The following MIPOL1 variants were observed in gnomAD, a reference collection of about 807,000 sequenced individuals.
MIPOL1 encodes mirror-image polydactyly 1.
MIPOL1 carries 57 observed loss-of-function variants against 60.9 expected under a neutral mutation model. That is an observed-to-expected ratio of 0.94 (90% confidence interval 0.76 to 1.17). The LOEUF (loss-of-function observed/expected upper bound fraction) is 1.17, where lower values mean the gene tolerates loss of function less well. Among genes scored for constraint, MIPOL1 ranks in the 50% most tolerant of loss-of-function variants. MIPOL1 has a pLI of 0.00. For missense variants in MIPOL1, 551 were observed against 511.6 expected (o/e 1.08, Z -0.74); for synonymous variants, 179 against 168.8 (o/e 1.06, Z -0.47).
At chr14:37,246,864 A>G (rs180822220) in intron 1 of MIPOL1, among the ~76,000 whole-genome samples, 4 of 152,214 alleles carry the variant, frequency 2.6e-5, no homozygotes, top group Admixed American at 2.6e-4. Flanking sequence ...GTGACTGTAT[A>G]TTGCAGAGGG....
intron 11 of MIPOL1, among the ~76,000 whole-genome samples, chr14:37,446,567 TTACTGGGTA>T (rs200041692): frequency 0.22 from 34,088 of 151,746 alleles, 4,228 homozygotes; most frequent in South Asian, 0.36. Flanking sequence ...AGCCATCCCA[TTACTGGGTA>T]TATACCCAAA....
At chr14:37,263,308 G>A (rs1444517696) in intron 3 of MIPOL1, among the ~76,000 whole-genome samples, 1 of 152,102 alleles carries the variant, frequency 6.6e-6, no homozygotes, top group Admixed American at 6.6e-5. Context: ...AGAGATACAG[G>A]ATCCTCAAAG....
intron 9 of MIPOL1, among the ~76,000 whole-genome samples, chr14:37,341,874 A>G (rs930523171): frequency 2.6e-5 from 4 of 152,204 alleles, no homozygotes; most frequent in Non-Finnish European, 5.9e-5. Flanking sequence ...TTGAATTTGA[A>G]TCCTGCTTAT....
intron 11 of MIPOL1, among the ~76,000 whole-genome samples, chr14:37,464,993 C>G (rs1014952564): frequency 6.6e-6 from 1 of 152,026 alleles, no homozygotes. Flanking sequence ...GATTGAAGCC[C>G]CAGACATGTA....
intron 7 of MIPOL1, among the ~76,000 whole-genome samples, chr14:37,292,835 G>T (rs947339449): frequency 3.9e-5 from 6 of 152,010 alleles, no homozygotes; most frequent in African/African-American, 1.4e-4. Context: ...CCATTTCTTG[G>T]CAAGGCATTG....
chr14:37,500,904 T>C (rs2095206296), intron 12 of MIPOL1, among the ~76,000 whole-genome samples: 1 of 152,220 alleles, frequency 6.6e-6, no homozygotes. Context: ...AGCATTCACA[T>C]ATCTAGTCAC....
At chr14:37,426,558 T>C (rs1295625537) in intron 11 of MIPOL1, among the ~76,000 whole-genome samples, 7 of 116,732 alleles carry the variant, frequency 6.0e-5, no homozygotes, top group Admixed American at 5.2e-4. Flanking sequence ...TGAAACTCTG[T>C]CTCAAAATAT....
At position 37,197,955 on chromosome 14, in the gene MIPOL1, C is replaced by T. The variant is rs1336958122; in HGVS notation, c.-348C>T. The T allele has an allele frequency of 6.6e-6, 1 of 152,210 alleles. No individual in the cohort carries two copies. 9.4% of individuals were successfully genotyped at this position (152,210 alleles called of 1,614,324 possible). ...GCCCCGTAGGCCCCACGCGCCGCCC[C>T]GCTCCTCCGCCGGATCGTCTGTGGG... is the stretch of plus-strand genomic sequence containing the variant. On this transcript the variant is annotated 5_prime_UTR_variant, in exon 1 of 13. Transcript: ENST00000684589.
chr14:37,514,645 G>T (rs1355164601), intron 12 of MIPOL1, among the ~76,000 whole-genome samples: 1 of 150,810 alleles, frequency 6.6e-6, no homozygotes, highest in South Asian at 2.1e-4. Flanking sequence ...TTTGGAGACG[G>T]AGTTTCGCTC....
At chr14:37,402,768 G>A (rs555451730) in intron 10 of MIPOL1, among the ~76,000 whole-genome samples, 1 of 152,274 alleles carries the variant, frequency 6.6e-6, no homozygotes, top group Admixed American at 6.5e-5. Context: ...TTTTCCAAAG[G>A]AAGGAAGACA....
At chr14:37,413,416 A>G (rs1486925554) in intron 10 of MIPOL1, among the ~76,000 whole-genome samples, 1 of 152,134 alleles carries the variant, frequency 6.6e-6, no homozygotes, top group Non-Finnish European at 1.5e-5. Context: ...TTTCATCTTC[A>G]AGGTGAGCAA....
At chr14:37,298,858 A>G (rs1267217021) in intron 7 of MIPOL1, among the ~76,000 whole-genome samples, 42 of 150,176 alleles carry the variant, frequency 2.8e-4, no homozygotes, top group Non-Finnish European at 1.2e-4. Flanking sequence ...TGGGACTGTA[A>G]ACTAGTTCAA....
At chr14:37,474,229 C>T (rs2094732238) in intron 11 of MIPOL1, among the ~76,000 whole-genome samples, 2 of 152,070 alleles carry the variant, frequency 1.3e-5, no homozygotes, top group Non-Finnish European at 2.9e-5. Context: ...TATAAACATA[C>T]TTGTGCAGGT....
chr14:37,425,280 T>G (rs1184922685), intron 11 of MIPOL1, among the ~76,000 whole-genome samples: 2 of 152,204 alleles, frequency 1.3e-5, no homozygotes, highest in African/African-American at 2.4e-5. Context: ...CAAGCAAACC[T>G]TGATGCCAGT....
At chr14:37,272,119 A>G (rs1331762570) in intron 6 of MIPOL1, among the ~76,000 whole-genome samples, 2 of 151,584 alleles carry the variant, frequency 1.3e-5, no homozygotes, top group Non-Finnish European at 3.0e-5. Context: ...ATAAATGTCA[A>G]TTATTTAAAA....
chr14:37,470,978 T>C (rs1408364944), intron 11 of MIPOL1, among the ~76,000 whole-genome samples: 1 of 152,128 alleles, frequency 6.6e-6, no homozygotes, highest in Non-Finnish European at 1.5e-5. Flanking sequence ...GGTTGAAAAT[T>C]TACCTATTGG....
chr14:37,312,837 G>A (rs537125223), intron 9 of MIPOL1, among the ~76,000 whole-genome samples: 3 of 151,846 alleles, frequency 2.0e-5, no homozygotes, highest in African/African-American at 4.8e-5. Flanking sequence ...TATTTTATTC[G>A]AATTGTAGAA....
Position 37,197,995 on chromosome 14 carries a change from G to A in MIPOL1, c.-308G>A, listed in dbSNP as rs568987669. Reference sequence around the variant, plus strand: ...TCGTCTGTGGGTGAGTCTCGAGCCAGGAGGCTCTGAGCCAGTGGCGATTGG... The same window carrying A: ...TCGTCTGTGGGTGAGTCTCGAGCCAAGAGGCTCTGAGCCAGTGGCGATTGG... On this transcript the variant is annotated 5_prime_UTR_variant, in exon 1 of 13. Coordinates refer to ENST00000684589, the MANE Select transcript of MIPOL1 (RefSeq NM_001388067.1). 9 of 152,280 alleles carry A rather than the reference G, an allele frequency of 5.9e-5. No homozygotes were observed. The highest frequency in any genetic ancestry group is 1.9e-4 in the African/African-American group (8 of 41,456). The allele number at this position is 152,280 out of a possible 1,614,324, so 9.4% of individuals were successfully genotyped here. A position where few individuals can be genotyped will look rare whatever the true frequency, so the allele number is the denominator to read the frequency against.
rs544157994 is a variant in MIPOL1 at position 37,221,679 on chromosome 14, G to A, written c.-199+23575G>A. On this transcript the variant is annotated intron_variant, in intron 1 of 12. Transcript: ENST00000684589. ...ACTTTAAAACAACCAGATCTCGTGA[G>A]AACTCTCTCTCATGAGAACAGCAAA... Among the ~76,000 whole-genome samples the A allele has an allele frequency of 9.9e-5, 15 of 152,282 alleles. No homozygotes were observed. The East Asian group carries it at 2.9e-3, about 29-fold the overall frequency.
Sources: gnomAD v4.1 joint callset for allele counts (sites outside exome capture counted in the v4.1 genomes callset) on GRCh38, gnomAD v4.1.1 for gene constraint, MANE v1.5 for transcripts, NCBI Gene and HGNC (gene_info 2026-07-23, HGNC 2026-07-21) for gene names.